Variants in SH3PXD2B observed in about 807,000 individuals in gnomAD.
SH3PXD2B encodes SH3 and PX domain-containing protein 2B.
In SH3PXD2B, 37 loss-of-function variants were observed where a neutral mutation model predicts 73.1. The ratio of observed to expected loss-of-function variants is 0.51; its 90% CI spans 0.39 to 0.67. The LOEUF is 0.67. Ranked by LOEUF, SH3PXD2B falls within the 30% of genes least tolerant of loss-of-function variation. The pLI, the probability that SH3PXD2B is intolerant of heterozygous loss-of-function variation, is 0.00. For missense variants in SH3PXD2B, 1,053 were observed against 1,197.8 expected, an observed-to-expected ratio of 0.88 and a Z score of 1.78; for synonymous variants, 457 against 480.5, an observed-to-expected ratio of 0.95 and a Z score of 0.64.
Position 172,339,923 on chromosome 5 carries a change from G to A in SH3PXD2B, c.1189-7C>T, listed in dbSNP as rs765162935. ...TCAAGTTTTTCTCGATCACCTGCAA[G>A]GGAGGATAGAGAAAGGCACTTGGCT... On this transcript the variant is annotated splice_region_variant and splice_polypyrimidine_tract_variant and intron_variant, in intron 12 of 12. Coordinates refer to ENST00000311601, the MANE Select transcript of SH3PXD2B (RefSeq NM_001017995.3). This position sits in a 1 kb window ranked among gnomAD's most constrained non-coding sequence, Gnocchi z 6.1. 5 of 1,614,230 alleles carry A rather than the reference G, an allele frequency of 3.1e-6. No homozygotes were observed. The highest frequency in any genetic ancestry group is 4.2e-6 in the Non-Finnish European group (5 of 1,180,036).
intron 1 of SH3PXD2B, among the ~76,000 whole-genome samples, chr5:172,426,117 CTCT>C (rs1759091529): frequency 6.6e-6 from 1 of 152,200 alleles, no homozygotes; most frequent in South Asian, 2.1e-4. Flanking sequence ...CATCCTTGAT[CTCT>C]TGTTTACAAT....
intron 7 of SH3PXD2B, among the ~76,000 whole-genome samples, chr5:172,360,603 G>A (rs189162865): frequency 2.0e-5 from 3 of 152,284 alleles, no homozygotes; most frequent in South Asian, 2.1e-4. Context: ...AGGCTGAGGC[G>A]AGTGGATCAC....
rs1190162052 is a variant in SH3PXD2B at position 172,335,097 on chromosome 5, A to T, written c.*3272T>A. 2 of 985,692 alleles carry T rather than the reference A, an allele frequency of 2.0e-6. No individual in the cohort carries two copies. Among genetic ancestry groups the T allele is most frequent in the Non-Finnish European group, 2.4e-6 (2 of 830,224 alleles). 61.1% of individuals were successfully genotyped at this position (985,692 alleles called of 1,614,324 possible). ...GGCAAAGAAAGATTCCGAGCAGAACATGTGAGCAAAGGCCTCTTTTATCAA... is the reference window on the plus strand; with the variant it reads ...GGCAAAGAAAGATTCCGAGCAGAACTTGTGAGCAAAGGCCTCTTTTATCAA... On this transcript the variant is annotated 3_prime_UTR_variant, in exon 13 of 13. Transcript: ENST00000311601.
At chr5:172,361,900 A>G (rs948284793) in intron 7 of SH3PXD2B, among the ~76,000 whole-genome samples, 8 of 152,206 alleles carry the variant, frequency 5.3e-5, no homozygotes, top group African/African-American at 1.9e-4. Context: ...GGGCTGTCAC[A>G]GAGACTGACC....
chr5:172,413,059 C>T (rs1316285554), intron 2 of SH3PXD2B, among the ~76,000 whole-genome samples: 2 of 152,220 alleles, frequency 1.3e-5, no homozygotes, highest in Admixed American at 1.3e-4. Context: ...ACGTGGTTTG[C>T]GTTAGCAGCA....
chr5:172,380,570 T>C (rs888789167), intron 5 of SH3PXD2B, among the ~76,000 whole-genome samples: 2 of 152,214 alleles, frequency 1.3e-5, no homozygotes, highest in Admixed American at 6.5e-5. Context: ...GGGAAATGCT[T>C]ACCAGACACC....
At chr5:172,396,457 T>C (rs1285904490) in intron 3 of SH3PXD2B, among the ~76,000 whole-genome samples, 1 of 152,094 alleles carries the variant, frequency 6.6e-6, no homozygotes, top group African/African-American at 2.4e-5. Context: ...CCCTACTGAC[T>C]TTTAAAGATT....
At chr5:172,407,483 G>A (rs1242850675) in intron 2 of SH3PXD2B, among the ~76,000 whole-genome samples, 1 of 152,236 alleles carries the variant, frequency 6.6e-6, no homozygotes, top group Admixed American at 6.5e-5. Flanking sequence ...AGTGAGCTAT[G>A]CCAAGATGCT....
chr5:172,396,350 G>A (rs1039574861), intron 3 of SH3PXD2B, among the ~76,000 whole-genome samples: 2 of 152,010 alleles, frequency 1.3e-5, no homozygotes, highest in African/African-American at 4.8e-5. Flanking sequence ...CTCCAGCCTG[G>A]GTGACAGAAT....
chr5:172,389,354 T>C (rs1159754831), intron 4 of SH3PXD2B, among the ~76,000 whole-genome samples: 2 of 151,972 alleles, frequency 1.3e-5, no homozygotes, highest in African/African-American at 4.8e-5. Context: ...ATGCCCGGCC[T>C]TGCATTTTTA....
intron 3 of SH3PXD2B, among the ~76,000 whole-genome samples, chr5:172,406,075 G>C (rs983087525): frequency 1.3e-5 from 2 of 152,176 alleles, no homozygotes; most frequent in African/African-American, 4.8e-5. Context: ...TCACTGCCAA[G>C]GTCTGATTTT....
intron 12 of SH3PXD2B, among the ~76,000 whole-genome samples, chr5:172,326,213 C>A (rs767171151): frequency 2.6e-5 from 4 of 152,222 alleles, no homozygotes; most frequent in Admixed American, 6.5e-5. Context: ...ATGCACCACC[C>A]AACCCAGATT....
intron 3 of SH3PXD2B, among the ~76,000 whole-genome samples, chr5:172,402,409 A>G (rs967193591): frequency 6.6e-6 from 1 of 152,148 alleles, no homozygotes; most frequent in African/African-American, 2.4e-5. Flanking sequence ...TTGCCTTGTG[A>G]TATTTTATTA....
chr5:172,416,657 A>C (rs984129390), intron 2 of SH3PXD2B, among the ~76,000 whole-genome samples: 8 of 95,618 alleles, frequency 8.4e-5, no homozygotes, highest in Admixed American at 2.2e-4. Context: ...TTTAAAAAGG[A>C]CCTTTTCATA....
rs1478558834 is a variant in SH3PXD2B, at chr5:172,454,241, C to T, written c.75+37G>A. ...GCCCTCGGTCGCCCCCGACGGGGCG[C>T]GGGCTCAAGGGGGCGTGGGGGCCGC... On this transcript the variant is annotated intron_variant, in intron 1 of 12. Coordinates refer to ENST00000311601, the MANE Select transcript of SH3PXD2B (RefSeq NM_001017995.3). The T allele has an allele frequency of 1.0e-5, 16 of 1,565,390 alleles. No homozygotes were observed. The East Asian group carries it at 3.6e-4, about 35-fold the overall frequency.
In SH3PXD2B at chr5:172,336,307, C is replaced by T. The variant is rs1756689415; in HGVS notation, c.*2062G>A. ...CTCAGGAAAACTGCCATGGGGCCTC[C>T]TCTCAAGGGAGGGGACCCTCAAGCG... On this transcript the variant is annotated 3_prime_UTR_variant, in exon 13 of 13. Coordinates refer to ENST00000311601, the MANE Select transcript of SH3PXD2B (RefSeq NM_001017995.3). The T allele has an allele frequency of 1.0e-6, 1 of 985,582 alleles. No individual in the cohort carries two copies. The highest frequency in any genetic ancestry group is 1.7e-5 in the African/African-American group (1 of 57,392). The allele number at this position is 985,582 out of a possible 1,614,324, so 61.1% of individuals were successfully genotyped here.
intron 8 of SH3PXD2B, among the ~76,000 whole-genome samples, chr5:172,356,459 C>T (rs1332059712): frequency 6.6e-6 from 1 of 152,204 alleles, no homozygotes; most frequent in Admixed American, 6.5e-5. Flanking sequence ...CTTATAGAAA[C>T]CCACAGGCAT....
chr5:172,439,722 A>C (rs1759508580), intron 1 of SH3PXD2B, among the ~76,000 whole-genome samples: 1 of 151,628 alleles, frequency 6.6e-6, no homozygotes, highest in South Asian at 2.1e-4. Flanking sequence ...ACACACACAC[A>C]CACACACACA....
intron 2 of SH3PXD2B, among the ~76,000 whole-genome samples, chr5:172,413,934 G>C (rs1224243877): frequency 6.6e-6 from 1 of 152,244 alleles, no homozygotes; most frequent in Non-Finnish European, 1.5e-5. Context: ...TCTTGGGCCA[G>C]ATGTTGGCTG....
Sources: gnomAD v4.1 joint callset for allele counts (sites outside exome capture counted in the v4.1 genomes callset) on GRCh38, gnomAD v4.1.1 for gene constraint, Gnocchi (gnomAD v3.1) non-coding constraint, MANE v1.5 for transcripts, NCBI Gene and HGNC (gene_info 2026-07-23, HGNC 2026-07-21) for gene names.